Variants in SLC38A8 observed in about 807,000 individuals in gnomAD.
SLC38A8 encodes amino acid transporter SLC38A8.
SLC38A8 carries 65 observed loss-of-function variants against 46.0 expected under a neutral mutation model. That is an observed-to-expected ratio of 1.41 (90% CI 1.16 to 1.74). SLC38A8 has a LOEUF of 1.74. Among genes scored for constraint, SLC38A8 ranks in the 40% most tolerant of loss-of-function variants. The pLI is 0.00. For synonymous variants in SLC38A8, 447 were observed against 243.7 expected (o/e 1.83, Z -7.77); for missense variants, 998 against 567.9 (o/e 1.76, Z -7.70).
intron 7 of SLC38A8, among the ~76,000 whole-genome samples, 164 bp from the exon 8 acceptor site, chr16:84,017,451 C>T (rs1338086817): frequency 3.9e-5 from 6 of 152,200 alleles, no homozygotes; most frequent in Non-Finnish European, 8.8e-5. Flanking sequence ...CCTAAGCCTA[C>T]ACATGACTGT....
At position 84,042,443 on chromosome 16, in the gene SLC38A8, C is replaced by A. The variant is rs1227176222; in HGVS notation, c.-3+108G>T. On this transcript the variant is annotated intron_variant, in intron 1 of 10. Transcript: ENST00000299709. ...TCCCCCTCCCTCTCTTCTCCCAAACCCCCAACCTTCCTCATCCCCATCAAT... is the reference window on the plus strand; with the variant it reads ...TCCCCCTCCCTCTCTTCTCCCAAACACCCAACCTTCCTCATCCCCATCAAT... 2.1e-5 allele frequency: 7 copies of A among 328,798 alleles called. 1 individual carries two copies. Among genetic ancestry groups the A allele is most frequent in the East Asian group, 1.1e-4 (2 of 18,520 alleles). The allele number at this position is 328,798 out of a possible 1,614,324, so 20.4% of individuals were successfully genotyped here.
intron 7 of SLC38A8, among the ~76,000 whole-genome samples, chr16:84,020,573 G>A (rs1016165223): frequency 3.3e-5 from 5 of 152,204 alleles, no homozygotes; most frequent in African/African-American, 1.2e-4. Context: ...TTCTGGGGCT[G>A]CAGCACGAGC....
chr16:84,039,474 G>A (rs1164475958), intron 2 of SLC38A8, among the ~76,000 whole-genome samples: 4 of 152,166 alleles, frequency 2.6e-5, no homozygotes, highest in Admixed American at 2.6e-4. Flanking sequence ...GCCGGGTACG[G>A]TGGCTCATGG....
rs528222937 is a variant in SLC38A8 at position 84,026,779 on chromosome 16, G to A, written c.690+2715C>T. On this transcript the variant is annotated intron_variant, in intron 6 of 10. Coordinates refer to ENST00000299709, the MANE Select transcript of SLC38A8 (RefSeq NM_001080442.3). ...GAATCCCACCAACACGGCGGGGGAG[G>A]GAAGCCTGTCTTAAAAGGCCACAAT... 2.5e-3 allele frequency among the ~76,000 whole-genome samples: 382 copies of A among 152,332 alleles called. 1 individual carries two copies. The highest frequency in any genetic ancestry group is 2.8e-3 in the Non-Finnish European group (190 of 68,026).
chr16:84,024,322 T>A (rs146261980), intron 6 of SLC38A8, among the ~76,000 whole-genome samples: 56 of 152,276 alleles, frequency 3.7e-4, no homozygotes, highest in African/African-American at 1.3e-3. Context: ...ACATACTGTA[T>A]ATGTGACATG....
At chr16:84,028,860 T>C (rs1408944771) in intron 6 of SLC38A8, among the ~76,000 whole-genome samples, 3 of 152,070 alleles carry the variant, frequency 2.0e-5, no homozygotes, top group Admixed American at 1.3e-4. Context: ...TGCCCATACA[T>C]CCTTCAAGAT....
At chr16:84,038,752 C>T (rs907687533) in intron 2 of SLC38A8, among the ~76,000 whole-genome samples, 12 of 152,288 alleles carry the variant, frequency 7.9e-5, no homozygotes, top group South Asian at 2.1e-4. Flanking sequence ...AAGAAACCAC[C>T]GGTCTAGTAT....
intron 6 of SLC38A8, among the ~76,000 whole-genome samples, chr16:84,023,142 T>C (rs11865720): frequency 0.31 from 40,072 of 129,182 alleles, 5,309 homozygotes; most frequent in Admixed American, 0.35. Context: ...TCGCATTCCT[T>C]TCCTTATTTT....
At chr16:84,015,668 C>T (rs927961975) in intron 9 of SLC38A8, among the ~76,000 whole-genome samples, 1 of 152,100 alleles carries the variant, frequency 6.6e-6, no homozygotes, top group Non-Finnish European at 1.5e-5. Flanking sequence ...TATTAGTCTG[C>T]TCTCATGCTG....
rs558885713 is a variant in SLC38A8, at chr16:84,016,800, G to T, written c.954-73C>A. On this transcript the variant is annotated intron_variant, in intron 8 of 10. Coordinates refer to ENST00000299709, the MANE Select transcript of SLC38A8 (RefSeq NM_001080442.3). Reference sequence around the variant, plus strand: ...GCCTCCACCCGACAGCTGCTCCCCAGTCCTCCAGGAGTCCCCTCACACCTG... The same window carrying T: ...GCCTCCACCCGACAGCTGCTCCCCATTCCTCCAGGAGTCCCCTCACACCTG... 1.7e-4 allele frequency: 256 copies of T among 1,489,308 alleles called. 1 individual carries two copies. In the South Asian group the frequency reaches 2.9e-3, roughly 17 times the overall value. 92.3% of individuals were successfully genotyped at this position (1,489,308 alleles called of 1,614,324 possible).
chr16:84,017,489 C>A (rs565690241), intron 7 of SLC38A8, among the ~76,000 whole-genome samples: 1 of 152,326 alleles, frequency 6.6e-6, no homozygotes, highest in African/African-American at 2.4e-5. Context: ...CCCCTGCAGA[C>A]AAATCCGCCA....
chr16:84,038,302 C>T (rs145771134), intron 2 of SLC38A8, among the ~76,000 whole-genome samples: 97 of 150,730 alleles, frequency 6.4e-4, no homozygotes, highest in African/African-American at 2.0e-3. Flanking sequence ...CAAAGCGAGA[C>T]TCCCTCTCAA....
intron 7 of SLC38A8, among the ~76,000 whole-genome samples, chr16:84,019,476 A>G (rs1486701695): frequency 6.6e-6 from 1 of 152,208 alleles, no homozygotes; most frequent in African/African-American, 2.4e-5. Flanking sequence ...TGTTTATGAG[A>G]GCGCTGCTCT....
rs1307311377 is a variant in SLC38A8 at position 84,016,733 on chromosome 16, G to A, written c.954-6C>T. ...AGAAGTCCTGCATCACTGACCTGGA[G>A]GCCACAGCCAACACAGACACATGGG... is the stretch of plus-strand genomic sequence containing the variant. On this transcript the variant is annotated splice_region_variant and splice_polypyrimidine_tract_variant and intron_variant, in intron 8 of 10. Coordinates refer to ENST00000299709, the MANE Select transcript of SLC38A8 (RefSeq NM_001080442.3). 4 of 1,610,692 alleles carry A rather than the reference G, an allele frequency of 2.5e-6. No individual in the cohort carries two copies. Among genetic ancestry groups the A allele is most frequent in the African/African-American group, 2.7e-5 (2 of 74,988 alleles).
chr16:84,033,833 G>C (rs1476460565), intron 3 of SLC38A8, among the ~76,000 whole-genome samples: 2 of 152,194 alleles, frequency 1.3e-5, no homozygotes, highest in African/African-American at 4.8e-5. Context: ...ATGGGGGCCT[G>C]AAGTCGATTT....
intron 3 of SLC38A8, among the ~76,000 whole-genome samples, chr16:84,035,145 C>T (rs183520587): frequency 5.0e-4 from 76 of 152,308 alleles, no homozygotes; most frequent in Non-Finnish European, 9.0e-4. Flanking sequence ...CAGGGGGCTC[C>T]GCTCCCAGTG....
Position 84,034,178 on chromosome 16 carries a change from T to C in SLC38A8, c.389-709A>G, listed in dbSNP as rs536404975. Among the ~76,000 whole-genome samples, 3 of 152,270 alleles carry C rather than the reference T, an allele frequency of 2.0e-5. No individual in the cohort carries two copies. In the East Asian group the frequency reaches 5.8e-4, roughly 29 times the overall value. ...GGCCACCTAGCAGGCACCTCCAACT[T>C]CTTCCATGGCAGCTGGGGGACCCCA... On this transcript the variant is annotated intron_variant, in intron 3 of 10. Coordinates refer to ENST00000299709, the MANE Select transcript of SLC38A8 (RefSeq NM_001080442.3).
At chr16:84,017,739 G>A (rs540417667) in intron 7 of SLC38A8, among the ~76,000 whole-genome samples, 1 of 152,196 alleles carries the variant, frequency 6.6e-6, no homozygotes, top group Non-Finnish European at 1.5e-5. Flanking sequence ...CGTGGACTGA[G>A]GACAAGAGCG....
rs540901080 is a variant in SLC38A8, at chr16:84,009,713, C to T, written c.*71G>A. 14 of 1,333,790 alleles carry T rather than the reference C, an allele frequency of 1.0e-5. No individual in the cohort carries two copies. The East Asian group carries it at 3.3e-4, about 31-fold the overall frequency. 82.6% of individuals were successfully genotyped at this position (1,333,790 alleles called of 1,614,324 possible). A position where few individuals can be genotyped will look rare whatever the true frequency, so the allele number is the denominator to read the frequency against. Reference sequence around the variant, plus strand: ...TGAGGAAAAGAAATGGCATCGGTCTCCTGGCTGCATACAGCAGCCACGTAG... The same window carrying T: ...TGAGGAAAAGAAATGGCATCGGTCTTCTGGCTGCATACAGCAGCCACGTAG... On this transcript the variant is annotated 3_prime_UTR_variant, in exon 11 of 11. Coordinates refer to ENST00000299709, the MANE Select transcript of SLC38A8 (RefSeq NM_001080442.3).
Sources: allele counts gnomAD v4.1 joint callset (sites outside exome capture counted in the v4.1 genomes callset), GRCh38; gene constraint gnomAD v4.1.1; transcripts MANE v1.5; gene names NCBI Gene and HGNC (gene_info 2026-07-23, HGNC 2026-07-21).